TMEM232: variants seen among roughly 807,000 people sequenced by gnomAD.
TMEM232 encodes the protein transmembrane protein 232.
TMEM232 carries 80 observed loss-of-function variants against 78.8 expected under a neutral mutation model. That is an observed-to-expected ratio of 1.01 (90% CI 0.85 to 1.22). The LOEUF (loss-of-function observed/expected upper bound fraction) is 1.22, where lower values mean the gene tolerates loss of function less well. TMEM232 is among the 50% of genes most tolerant of loss of function. The pLI is 0.00. For missense variants in TMEM232, 881 were observed against 742.2 expected, an observed-to-expected ratio of 1.19 and a Z score of -2.17; for synonymous variants, 297 against 254.3, an observed-to-expected ratio of 1.17 and a Z score of -1.60.
intron 7 of TMEM232, among the ~76,000 whole-genome samples, chr5:110,621,535 C>T (rs1455248701): frequency 6.6e-6 from 1 of 151,918 alleles, no homozygotes; most frequent in Non-Finnish European, 1.5e-5. Context: ...AGTAATTTGT[C>T]GTCATTATTA....
At chr5:110,629,802 T>C (rs1283072127) in intron 5 of TMEM232, among the ~76,000 whole-genome samples, 1 of 152,180 alleles carries the variant, frequency 6.6e-6, no homozygotes. Context: ...CATATAAAAC[T>C]GTTGCTGCTT....
intron 1 of TMEM232, among the ~76,000 whole-genome samples, chr5:110,696,063 T>C (rs1381427457): frequency 6.6e-6 from 1 of 152,190 alleles, no homozygotes; most frequent in African/African-American, 2.4e-5. Flanking sequence ...AATAAAATAC[T>C]GGCAAACTGA....
rs1488596 is a variant in TMEM232 at position 110,568,461 on chromosome 5, T to C, written c.1441A>G (p.Ile481Val). The C allele has an allele frequency of 2.2e-3, 3,367 of 1,546,832 alleles. 73 individuals carry two copies. In the African/African-American group the frequency reaches 0.041, roughly 19 times the overall value. ...YEEDVRIQNA[I>V]NIAQAELNDP... The stretch of plus-strand genomic sequence containing the variant: ...TTTTACCTTACCTGAGCTATATTGA[T>C]TGCATTTTGGATTCGTACATCTTCC... The change falls in exon 11 of 14, where the codon ATC becomes GTC. Residue 481 changes from isoleucine (I) to valine (V), a missense_variant. Physicochemically the swap from Ile to Val is conservative, Grantham distance 29 (BLOSUM62 3). Transcript: ENST00000455884.
At chr5:110,468,024 G>A (rs1762273422) in intron 12 of TMEM232, among the ~76,000 whole-genome samples, 1 of 151,612 alleles carries the variant, frequency 6.6e-6, no homozygotes, top group South Asian at 2.1e-4. Context: ...CCAGTCATAT[G>A]GGAATAGGGG....
chr5:110,390,360 C>T (rs971110203), intron 4 of TMEM232: 6 of 152,136 alleles, frequency 3.9e-5, no homozygotes, highest in Non-Finnish European at 7.3e-5. Flanking sequence ...CACAATCTGC[C>T]GCTTCTTACA....
At chr5:110,730,051 T>C (rs1798530678), upstream of TMEM232, among the ~76,000 whole-genome samples, 2 of 152,174 alleles carry the variant, frequency 1.3e-5, no homozygotes, top group Admixed American at 6.5e-5. Flanking sequence ...ACCTAGTGAG[T>C]ACTCATTAAA....
chr5:110,515,489 G>T, intron 12 of TMEM232, among the ~76,000 whole-genome samples: 1 of 152,082 alleles, frequency 6.6e-6, no homozygotes, highest in East Asian at 1.9e-4. Context: ...CCACTGAAAA[G>T]GAGTTTACAC....
chr5:110,669,387 A>G (rs1241276144), intron 1 of TMEM232, among the ~76,000 whole-genome samples: 3 of 152,090 alleles, frequency 2.0e-5, no homozygotes, highest in African/African-American at 4.8e-5. Flanking sequence ...TAGAAGAAAT[A>G]GATAAATTCC....
chr5:110,528,894 T>A, intron 11 of TMEM232, 59 bp from the exon 12 acceptor site: 1 of 1,227,160 alleles, frequency 8.1e-7, no homozygotes, highest in Non-Finnish European at 1.0e-6. Flanking sequence ...AGAAAAAAAA[T>A]CGTGTATTAT....
downstream of TMEM232, among the ~76,000 whole-genome samples, chr5:110,414,557 C>T (rs1418974296): frequency 1.3e-5 from 2 of 152,036 alleles, no homozygotes; most frequent in African/African-American, 4.8e-5. Flanking sequence ...TTTAGAAAAC[C>T]ATTCAGTTCT....
At chr5:110,680,046 G>A (rs185151835) in intron 1 of TMEM232, among the ~76,000 whole-genome samples, 1 of 151,982 alleles carries the variant, frequency 6.6e-6, no homozygotes, top group African/African-American at 2.4e-5. Context: ...TTAGTCTCTG[G>A]AGTTGTCCAG....
rs1756517000 is a variant in TMEM232, at chr5:110,420,461, C to A, written c.*119G>T. ...ATCAGGAAAACAAATTCTTTCTAAA[C>A]AATACCTCCATTTAATGACAAGAAA... is the stretch of plus-strand genomic sequence containing the variant. On this transcript the variant is annotated 3_prime_UTR_variant, in exon 14 of 14. Transcript: ENST00000455884. 4.8e-6 allele frequency: 3 copies of A among 626,998 alleles called. No homozygotes were observed. The highest frequency in any genetic ancestry group is 6.5e-5 in the South Asian group (2 of 30,538). The allele number at this position is 626,998 out of a possible 1,614,324, so 38.8% of individuals were successfully genotyped here. A position where few individuals can be genotyped will look rare whatever the true frequency, so the allele number is the denominator to read the frequency against.
chr5:110,554,893 A>T (rs536274162), intron 11 of TMEM232, among the ~76,000 whole-genome samples: 20 of 151,970 alleles, frequency 1.3e-4, no homozygotes, highest in Non-Finnish European at 2.2e-4. Flanking sequence ...TTGGGAGGTT[A>T]TGTGTTTCCA....
intron 11 of TMEM232, among the ~76,000 whole-genome samples, chr5:110,532,289 A>T (rs1771624506): frequency 6.6e-6 from 1 of 151,412 alleles, no homozygotes; most frequent in Non-Finnish European, 1.5e-5. Flanking sequence ...TCCTTCCCAG[A>T]TCTTCTCGGC....
chr5:110,548,354 A>G lies in TMEM232; in HGVS notation c.1456-19519T>C, dbSNP rs538942526. 1.7e-3 allele frequency among the ~76,000 whole-genome samples: 248 copies of G among 149,162 alleles called. 7 individuals are homozygous for G. In the South Asian group the frequency reaches 0.05, roughly 30 times the overall value. ...TATTAAATATTATTAATCATTAATT[A>G]TTAATATTTAATAATATTTAATAAT... On this transcript the variant is annotated intron_variant, in intron 11 of 13. Transcript: ENST00000455884.
chr5:110,403,466 C>T (rs1337943450), intron 2 of TMEM232, among the ~76,000 whole-genome samples: 2 of 151,970 alleles, frequency 1.3e-5, no homozygotes, highest in African/African-American at 4.8e-5. Context: ...CTTCGGCTAT[C>T]CATAGATTGT....
intron 10 of TMEM232, among the ~76,000 whole-genome samples, chr5:110,603,880 A>G (rs760943262): frequency 2.6e-5 from 4 of 152,118 alleles, no homozygotes; most frequent in Non-Finnish European, 5.9e-5. Flanking sequence ...TGAGAATGAA[A>G]TGTGTATCTA....
chr5:110,682,539 G>T (rs1561506952), intron 1 of TMEM232, among the ~76,000 whole-genome samples: 2 of 151,956 alleles, frequency 1.3e-5, no homozygotes, highest in South Asian at 4.1e-4. Flanking sequence ...GGTAAATTCT[G>T]ATAATTTAAA....
At chr5:110,452,312 G>A (rs549547593) in intron 12 of TMEM232, among the ~76,000 whole-genome samples, 24 of 152,060 alleles carry the variant, frequency 1.6e-4, no homozygotes, top group Non-Finnish European at 2.6e-4. Context: ...TGGTTAATCC[G>A]TTTCAGTGTT....
Sources: allele counts gnomAD v4.1 joint callset (sites outside exome capture counted in the v4.1 genomes callset), GRCh38; gene constraint gnomAD v4.1.1; transcripts MANE v1.5; gene names NCBI Gene and HGNC (gene_info 2026-07-23, HGNC 2026-07-21).